TFRC: variants seen among roughly 807,000 people sequenced by gnomAD.
TFRC encodes transferrin receptor protein 1.
Under a neutral mutation model 85.8 loss-of-function variants are expected in TFRC, and 35 were observed. That is an observed-to-expected ratio of 0.41 (90% CI 0.31 to 0.54). The LOEUF is 0.54. TFRC is among the 20% of genes least tolerant of loss of function. The pLI is 0.31. For synonymous variants in TFRC, 362 were observed against 328.6 expected (o/e 1.10, Z -1.10); for missense variants, 828 against 921.5 (o/e 0.90, Z 1.31).
Position 196,072,134 on chromosome 3 carries a change from T to C in TFRC, c.453A>G (p.Ser151=), listed in dbSNP as rs1405302295. 8 of 1,613,450 alleles carry C rather than the reference T, an allele frequency of 5.0e-6. No individual in the cohort carries two copies. The highest frequency in any genetic ancestry group is 3.3e-5 in the South Asian group (3 of 90,846). The change falls in exon 5 of 19, where the codon TCA becomes TCG. Residue 151 remains serine (S), a synonymous_variant. Transcript: ENST00000360110. ...GAGATCCAGCCTCACGAGGGACATA[T>C]GAATTTTCATTCAGCAGCCTGGAGG... ...TGTIKLLNEN[S]YVPREAGSQK...
intron 3 of TFRC, 90 bp downstream of exon 3, chr3:196,075,069 A>AAAAAAAAAT: frequency 1.0e-6 from 1 of 967,198 alleles, no homozygotes; most frequent in African/African-American, 1.6e-5. Context: ...AAAAAAAATA[A>AAAAAAAAAT]GGTACAAAAT....
rs1285524391 is a variant in TFRC at position 196,075,059 on chromosome 3, AAAAAAAAT to A, written c.238+92_238+99del. ...AGCCTCTGTCTCCAAAAAAAAAAAA[AAAAAAAAT>A]AAGGTACAAAATAACTATATGCTGA... On this transcript the variant is annotated intron_variant, in intron 3 of 18. Coordinates refer to ENST00000360110, the MANE Select transcript of TFRC (RefSeq NM_001128148.3). 7.4e-5 allele frequency: 52 copies of A among 698,006 alleles called. 1 individual carries two copies. Among genetic ancestry groups the A allele is most frequent in the East Asian group, 5.9e-4 (23 of 39,124 alleles). 43.2% of individuals were successfully genotyped at this position (698,006 alleles called of 1,614,324 possible). A position where few individuals can be genotyped will look rare whatever the true frequency, so the allele number is the denominator to read the frequency against.
intron 2 of TFRC, among the ~76,000 whole-genome samples, chr3:196,076,296 A>C (rs1272912846): frequency 6.6e-6 from 1 of 151,530 alleles, no homozygotes; most frequent in African/African-American, 2.4e-5. Context: ...CTGTCTACTC[A>C]ATGTTTCTTA....
At chr3:196,074,689 A>T (rs1050643514) in intron 3 of TFRC, among the ~76,000 whole-genome samples, 3 of 151,742 alleles carry the variant, frequency 2.0e-5, no homozygotes, top group Admixed American at 6.6e-5. Flanking sequence ...GACCAGCCTG[A>T]CCAACATGGT....
intron 1 of TFRC, among the ~76,000 whole-genome samples, chr3:196,077,688 C>T (rs1367346321): frequency 1.3e-5 from 2 of 151,840 alleles, no homozygotes; most frequent in Non-Finnish European, 1.5e-5. Context: ...GGAGGTGGAG[C>T]TTGCAGTGAG....
chr3:196,075,922 G>A lies in TFRC; in HGVS notation c.37-562C>T, dbSNP rs1224706105. Among the ~76,000 whole-genome samples the A allele has an allele frequency of 2.0e-5, 3 of 150,528 alleles. No individual in the cohort carries two copies. The East Asian group carries it at 5.9e-4, about 30-fold the overall frequency. On this transcript the variant is annotated intron_variant, in intron 2 of 18. Transcript: ENST00000360110. ...GCACACAGATCATTTATGGTCAGAA[G>A]TTTGAGACAAGCCTGACCAACATGG...
intron 2 of TFRC, among the ~76,000 whole-genome samples, chr3:196,076,652 T>A (rs964102942): frequency 1.3e-5 from 2 of 151,834 alleles, no homozygotes; most frequent in Middle Eastern, 3.4e-3. Context: ...AGAGACCGAG[T>A]TTCACCATGT....
chr3:196,069,267 T>C (rs1717994338), intron 7 of TFRC, among the ~76,000 whole-genome samples, 188 bp downstream of exon 7: 1 of 152,222 alleles, frequency 6.6e-6, no homozygotes, highest in Non-Finnish European at 1.5e-5. Context: ...AGCTTTCACT[T>C]AAGCACTTCT....
At chr3:196,070,729 A>C (rs1577243838) in intron 6 of TFRC, among the ~76,000 whole-genome samples, 1 of 150,194 alleles carries the variant, frequency 6.7e-6, no homozygotes. Context: ...CAGGAGTTTC[A>C]ATTGAAGACC....
intron 9 of TFRC, among the ~76,000 whole-genome samples, chr3:196,066,050 T>C (rs1577236237): frequency 6.6e-6 from 1 of 151,886 alleles, no homozygotes; most frequent in African/African-American, 2.4e-5. Context: ...TCTCTAGTGG[T>C]GAACCATTTG....
rs780407906 is a variant in TFRC, at chr3:196,071,418, T to C, written c.665A>G (p.Tyr222Cys). 2 of 1,614,106 alleles carry C rather than the reference T, an allele frequency of 1.2e-6. No homozygotes were observed. The highest frequency in any genetic ancestry group is 1.7e-6 in the Non-Finnish European group (2 of 1,179,952). ...TACAGTAACTGTTGCAGCCTTACTA[T>C]ACGCCACATAACCCCCAGGATTCTC... ...LVENPGGYVA[Y>C]SKAATVTGKL... is the part of the protein sequence containing the mutation. Residue 222 changes from tyrosine to cysteine, a missense_variant, in exon 6 of 19, where the codon TAT becomes TGT. Transcript: ENST00000360110.
At chr3:196,055,379 GT>G in intron 16 of TFRC, 78 bp from the exon 17 acceptor site, 1 of 1,263,252 alleles carries the variant, frequency 7.9e-7, no homozygotes, top group East Asian at 2.3e-5. Flanking sequence ...CGCCATCGAG[GT>G]AACAGTGACG....
intron 18 of TFRC, among the ~76,000 whole-genome samples, chr3:196,053,186 C>A (rs1490000917): frequency 1.3e-5 from 2 of 152,108 alleles, no homozygotes; most frequent in African/African-American, 2.4e-5. Context: ...TGTTCAGATT[C>A]TTTTCCCCAT....
intron 13 of TFRC, chr3:196,060,536 C>T (rs533742979): frequency 5.1e-5 from 15 of 292,414 alleles, no homozygotes; most frequent in South Asian, 4.4e-4. Context: ...CGGTGGCTCA[C>T]GCCTGTAATC....
Position 196,075,227 on chromosome 3 carries a change from G to C in TFRC, c.170C>G (p.Thr57Arg). ...NADNNTKANV[T>R]KPKRCSGSIC... Reference sequence around the variant, plus strand: ...ACTTCCACTACACCTTTTTGGTTTTGTGACATTGGCCTTTGTGTTATTGTC... The same window carrying C: ...ACTTCCACTACACCTTTTTGGTTTTCTGACATTGGCCTTTGTGTTATTGTC... Residue 57 changes from threonine (T) to arginine (R), a missense_variant, in exon 3 of 19, where the codon ACA becomes AGA. Thr to Arg is a moderately conservative substitution (Grantham distance 71). Coordinates refer to ENST00000360110, the MANE Select transcript of TFRC (RefSeq NM_001128148.3). The C allele has an allele frequency of 6.2e-7, 1 of 1,613,896 alleles. No homozygotes were observed. Among genetic ancestry groups the C allele is most frequent in the Non-Finnish European group, 8.5e-7 (1 of 1,179,972 alleles).
At chr3:196,054,493 A>T (rs1716610568) in intron 17 of TFRC, among the ~76,000 whole-genome samples, 1 of 152,234 alleles carries the variant, frequency 6.6e-6, no homozygotes, top group Non-Finnish European at 1.5e-5. Flanking sequence ...GATCTGTTAA[A>T]AATCAACTCC....
Position 196,051,165 on chromosome 3 carries a change from C to T in TFRC, c.*777G>A, listed in dbSNP as rs1716273838. 1 of 216,566 alleles carries T rather than the reference C, an allele frequency of 4.6e-6. No homozygotes were observed. The highest frequency in any genetic ancestry group is 9.3e-6 in the Non-Finnish European group (1 of 107,298). The allele number at this position is 216,566 out of a possible 1,614,324, so 13.4% of individuals were successfully genotyped here. A position where few individuals can be genotyped will look rare whatever the true frequency, so the allele number is the denominator to read the frequency against. On this transcript the variant is annotated 3_prime_UTR_variant, in exon 19 of 19. Transcript: ENST00000360110. ...TTCTTTAAAGTCTGACAAACTGAGT[C>T]TGCAACTAAACACCTGAAACTGGTT...
chr3:196,064,189 A>T, intron 11 of TFRC, 120 bp downstream of exon 11: 1 of 1,109,404 alleles, frequency 9.0e-7, no homozygotes, highest in Non-Finnish European at 1.2e-6. Flanking sequence ...CCTTGTATTT[A>T]AGAACTAGAG....
Position 196,062,938 on chromosome 3 carries a change from A to T in TFRC, c.1320T>A (p.Asp440Glu). Residue 440 changes from aspartate (D) to glutamate (E), a missense_variant and splice_region_variant, in exon 12 of 19, where the codon GAT becomes GAA. Asp to Glu is a conservative substitution (Grantham distance 45). Coordinates refer to ENST00000360110, the MANE Select transcript of TFRC (RefSeq NM_001128148.3). ...AQMFSDMVLK[D>E]GFQPSRSIIF... is the part of the protein sequence containing the mutation. ...TAATGCTTCTGCTGGGCTGAAACCC[A>T]TCTGAAAGAGAAAAAAGTTAGCTTT... 2 of 1,614,034 alleles carry T rather than the reference A, an allele frequency of 1.2e-6. No homozygotes were observed. Among genetic ancestry groups the T allele is most frequent in the Non-Finnish European group, 1.7e-6 (2 of 1,179,998 alleles).
Sources: allele counts gnomAD v4.1 joint callset (sites outside exome capture counted in the v4.1 genomes callset), GRCh38; gene constraint gnomAD v4.1.1; transcripts MANE v1.5; gene names NCBI Gene and HGNC (gene_info 2026-07-23, HGNC 2026-07-21).